CALN1: variants seen among roughly 807,000 people sequenced by gnomAD.
CALN1 encodes calneuron 1, also known as calcium-binding protein 8.
CALN1 carries 17 observed loss-of-function variants against 30.6 expected under a neutral mutation model. That is an observed-to-expected ratio of 0.56 (90% CI 0.38 to 0.83). The LOEUF is 0.83. Among genes scored for constraint, CALN1 ranks in the 40% least tolerant of loss-of-function variants. The probability of loss-of-function intolerance (pLI) is 0.00; values close to 1 mark genes in which losing one functional copy is unlikely to be tolerated. For missense variants in CALN1, 291 were observed against 354.9 expected, an observed-to-expected ratio of 0.82 and a Z score of 1.45; for synonymous variants, 156 against 131.4, an observed-to-expected ratio of 1.19 and a Z score of -1.28.
chr7:72,093,875 G>GA (rs1418528886), intron 4 of CALN1, among the ~76,000 whole-genome samples: 1 of 152,204 alleles, frequency 6.6e-6, no homozygotes, highest in Non-Finnish European at 1.5e-5. Context: ...GGTCCTGATG[G>GA]AAAAGGAGTG....
intron 4 of CALN1, among the ~76,000 whole-genome samples, chr7:72,097,474 A>G (rs907119466): frequency 3.9e-5 from 6 of 152,130 alleles, no homozygotes; most frequent in African/African-American, 1.4e-4. Context: ...AGCACAGCCC[A>G]CAGTGACTTC....
chr7:72,338,521 G>C (rs12665890), intron 2 of CALN1, among the ~76,000 whole-genome samples: 2,308 of 64,174 alleles, frequency 0.036, 109 homozygotes, highest in Middle Eastern at 0.067. Context: ...GTGTGTGTGT[G>C]TGTGTGTCTC....
chr7:72,071,721 A>C (rs965926174), intron 4 of CALN1, among the ~76,000 whole-genome samples: 1 of 152,262 alleles, frequency 6.6e-6, no homozygotes, highest in Non-Finnish European at 1.5e-5. Context: ...AAACGTCACA[A>C]GACATACAAA....
chr7:72,174,058 T>A (rs1306767546), intron 3 of CALN1, among the ~76,000 whole-genome samples: 1 of 151,930 alleles, frequency 6.6e-6, no homozygotes, highest in Non-Finnish European at 1.5e-5. Flanking sequence ...TTATATCTAG[T>A]ATATATAAAG....
intron 3 of CALN1, among the ~76,000 whole-genome samples, chr7:72,168,001 C>T (rs971447250): frequency 1.3e-5 from 2 of 152,152 alleles, no homozygotes; most frequent in East Asian, 1.9e-4. Flanking sequence ...TATACAGTAG[C>T]TGTGAACTTA....
At chr7:72,031,073 G>A (rs1021357098) in intron 4 of CALN1, among the ~76,000 whole-genome samples, 2 of 152,238 alleles carry the variant, frequency 1.3e-5, no homozygotes, top group Non-Finnish European at 2.9e-5. Flanking sequence ...GCTCAAAGAG[G>A]TTCAGTAGCT....
At chr7:71,793,263 G>A (rs761139914) in intron 6 of CALN1, among the ~76,000 whole-genome samples, 9 of 151,982 alleles carry the variant, frequency 5.9e-5, no homozygotes, top group African/African-American at 9.7e-5. Flanking sequence ...CCGAAACTGC[G>A]CCATTGCACT....
At chr7:72,412,786 G>T (rs1585700362), upstream of CALN1, among the ~76,000 whole-genome samples, 1 of 152,198 alleles carries the variant, frequency 6.6e-6, no homozygotes, top group African/African-American at 2.4e-5. Flanking sequence ...GTTTCTAGAA[G>T]CAGTCAAGCC....
chr7:72,368,397 G>A lies in CALN1; in HGVS notation c.119+34854C>T, dbSNP rs189321976. Among the ~76,000 whole-genome samples the A allele has an allele frequency of 7.3e-5, 11 of 151,610 alleles. No individual in the cohort carries two copies. In the East Asian group the frequency reaches 2.1e-3, roughly 29 times the overall value. On this transcript the variant is annotated intron_variant, in intron 2 of 6. Transcript: ENST00000395275. ...CACATAAGATGGCAGGAAGGATGTC[G>A]GCAGAAATATTAATATTGGTGCCAC...
the CALN1 span, among the ~76,000 whole-genome samples, chr7:72,464,370 A>G: frequency 5.9e-5 from 9 of 152,324 alleles, no homozygotes; most frequent in East Asian, 1.5e-3. Flanking sequence ...ATCTCTGAGT[A>G]TCAATACTGA....
chr7:72,114,631 A>G (rs573600309), intron 3 of CALN1, among the ~76,000 whole-genome samples: 1 of 152,138 alleles, frequency 6.6e-6, no homozygotes, highest in African/African-American at 2.4e-5. Context: ...TGATCAACTG[A>G]CTTCAGAAAT....
At chr7:72,276,936 C>A (rs1379593307) in intron 3 of CALN1, among the ~76,000 whole-genome samples, 2 of 152,236 alleles carry the variant, frequency 1.3e-5, no homozygotes, top group Non-Finnish European at 2.9e-5. Flanking sequence ...TATGAGGACA[C>A]AGCAAGAAAA....
intron 3 of CALN1, among the ~76,000 whole-genome samples, chr7:72,258,100 T>C (rs968487190): frequency 2.0e-5 from 3 of 147,116 alleles, no homozygotes; most frequent in Non-Finnish European, 4.6e-5. Flanking sequence ...CACCTGTACC[T>C]CAAAAACTAC....
intron 5 of CALN1, among the ~76,000 whole-genome samples, chr7:71,974,157 C>A (rs1797985160): frequency 6.6e-6 from 1 of 152,106 alleles, no homozygotes; most frequent in Admixed American, 6.6e-5. Context: ...GTGGTTCACG[C>A]CTGTAATCCC....
intron 5 of CALN1, among the ~76,000 whole-genome samples, chr7:71,905,803 C>A (rs1274138439): frequency 3.3e-5 from 5 of 152,068 alleles, no homozygotes; most frequent in African/African-American, 1.2e-4. Context: ...TCTGTTCTCA[C>A]ACTGCCATAA....
intron 5 of CALN1, among the ~76,000 whole-genome samples, chr7:72,017,463 C>T (rs904138160): frequency 6.6e-6 from 1 of 152,088 alleles, no homozygotes; most frequent in Non-Finnish European, 1.5e-5. Flanking sequence ...ACCCTATGCA[C>T]TTTCAGGCTA....
intron 1 of CALN1, among the ~76,000 whole-genome samples, chr7:72,408,454 A>G (rs1309730804): frequency 6.6e-6 from 1 of 151,720 alleles, no homozygotes; most frequent in African/African-American, 2.4e-5. Flanking sequence ...AAAATTAAAC[A>G]CACACACAGA....
At chr7:71,973,685 AC>A (rs998427007) in intron 5 of CALN1, among the ~76,000 whole-genome samples, 2 of 151,948 alleles carry the variant, frequency 1.3e-5, no homozygotes, top group African/African-American at 4.8e-5. Flanking sequence ...TAGATTTGGC[AC>A]ATTTAAGATG....
chr7:71,889,308 C>A (rs1205208287), intron 5 of CALN1, among the ~76,000 whole-genome samples: 8 of 152,216 alleles, frequency 5.3e-5, no homozygotes, highest in Admixed American at 5.2e-4. Context: ...TCCCTTGGGG[C>A]TCTTTTATTT....
Sources: gnomAD v4.1 joint callset for allele counts (sites outside exome capture counted in the v4.1 genomes callset) on GRCh38, gnomAD v4.1.1 for gene constraint, MANE v1.5 for transcripts, NCBI Gene and HGNC (gene_info 2026-07-23, HGNC 2026-07-21) for gene names.